The following PCSK5 variants were observed in gnomAD, a reference collection of about 807,000 sequenced individuals.
PCSK5 encodes prohormone convertase 5.
PCSK5 carries 129 observed loss-of-function variants against 233.2 expected under a neutral mutation model. That is an observed-to-expected ratio of 0.55 (90% CI 0.48 to 0.64). The LOEUF is 0.64. Ranked by LOEUF, PCSK5 falls within the 30% of genes least tolerant of loss-of-function variation. The pLI is 0.00. For synonymous variants in PCSK5, 825 were observed against 879.2 expected, an observed-to-expected ratio of 0.94 and a Z score of 1.09; for missense variants, 2,076 against 2,430.1, an observed-to-expected ratio of 0.85 and a Z score of 3.06.
chr9:75,942,923 C>T (rs1824385018), intron 2 of PCSK5, among the ~76,000 whole-genome samples: 1 of 126,706 alleles, frequency 7.9e-6, no homozygotes, highest in Non-Finnish European at 1.6e-5. Flanking sequence ...CTTGCTCTGT[C>T]ACCCACGCTG....
At chr9:76,041,996 A>G (rs1829141775) in intron 5 of PCSK5, among the ~76,000 whole-genome samples, 1 of 152,246 alleles carries the variant, frequency 6.6e-6, no homozygotes, top group Non-Finnish European at 1.5e-5. Flanking sequence ...GATGAATAGT[A>G]GATACTCAAT....
intron 13 of PCSK5, 30 bp downstream of exon 13, chr9:76,169,870 A>T: frequency 6.3e-7 from 1 of 1,593,356 alleles, no homozygotes; most frequent in Non-Finnish European, 8.6e-7. Flanking sequence ...ACATTGTTCT[A>T]CTGTGTAGAA....
intron 2 of PCSK5, among the ~76,000 whole-genome samples, chr9:75,970,166 C>T (rs1825756479): frequency 1.3e-5 from 2 of 152,298 alleles, no homozygotes; most frequent in South Asian, 4.1e-4. Context: ...AGCCACCATG[C>T]CCGGCCACAG....
chr9:76,340,588 T>C (rs989634650), intron 35 of PCSK5, among the ~76,000 whole-genome samples: 2 of 133,870 alleles, frequency 1.5e-5, no homozygotes, highest in Non-Finnish European at 3.0e-5. Flanking sequence ...GAGGTTGCAG[T>C]GAGCCGAGAT....
intron 37 of PCSK5, among the ~76,000 whole-genome samples, chr9:76,357,269 C>T (rs1369533699): frequency 6.6e-6 from 1 of 152,114 alleles, no homozygotes; most frequent in Non-Finnish European, 1.5e-5. Context: ...GGCTCATGCC[C>T]CAGAACTTTG....
intron 7 of PCSK5, among the ~76,000 whole-genome samples, chr9:76,079,161 G>A (rs929862897): frequency 2.6e-5 from 4 of 151,592 alleles, no homozygotes; most frequent in Admixed American, 6.6e-5. Flanking sequence ...GTGCAGTGGC[G>A]TGCGTGATCT....
intron 9 of PCSK5, among the ~76,000 whole-genome samples, chr9:76,118,045 A>G (rs915780614): frequency 2.0e-5 from 3 of 152,094 alleles, no homozygotes; most frequent in African/African-American, 7.2e-5. Flanking sequence ...TGCCATTGGA[A>G]TTGACATCTG....
intron 24 of PCSK5, among the ~76,000 whole-genome samples, chr9:76,285,188 C>T (rs936929917): frequency 6.6e-6 from 1 of 152,078 alleles, no homozygotes; most frequent in South Asian, 2.1e-4. Context: ...ATTGGCCAAC[C>T]TGAATCCTGG....
intron 24 of PCSK5, among the ~76,000 whole-genome samples, chr9:76,283,756 AC>A (rs1251320519): frequency 1.3e-5 from 2 of 152,270 alleles, no homozygotes; most frequent in Non-Finnish European, 2.9e-5. Flanking sequence ...AAATTTATGT[AC>A]TAAAGCTACA....
rs568556312 is a variant in PCSK5, at chr9:75,970,630, A to T, written c.298-15502A>T. The stretch of plus-strand genomic sequence containing the variant: ...TTTTTAAACTTTATTTTATTTATTT[A>T]TTTTTTTTGGAGATGGAGTCTCACT... On this transcript the variant is annotated intron_variant, in intron 2 of 37. Transcript: ENST00000674117. Among the ~76,000 whole-genome samples, 4 of 151,222 alleles carry T rather than the reference A, an allele frequency of 2.6e-5. No homozygotes were observed. The South Asian group carries it at 8.4e-4, about 32-fold the overall frequency.
intron 5 of PCSK5, among the ~76,000 whole-genome samples, chr9:76,046,277 AAG>A (rs1829388970): frequency 7.3e-6 from 1 of 137,434 alleles, no homozygotes; most frequent in African/African-American, 2.7e-5. Flanking sequence ...TCCCGGGTTC[AAG>A]CGATTCTCCT....
intron 20 of PCSK5, among the ~76,000 whole-genome samples, chr9:76,215,107 C>T (rs955844047): frequency 1.3e-5 from 2 of 152,188 alleles, no homozygotes; most frequent in African/African-American, 4.8e-5. Flanking sequence ...TGTTCAAGTT[C>T]CCCAAGCCCA....
chr9:76,233,264 G>T (rs887777200), intron 21 of PCSK5, among the ~76,000 whole-genome samples, 196 bp from the exon 22 acceptor site: 5 of 152,136 alleles, frequency 3.3e-5, no homozygotes, highest in African/African-American at 4.8e-5. Flanking sequence ...TGGCTGTTAG[G>T]TCCAAATCTT....
At chr9:76,189,387 T>C (rs967899484) in intron 19 of PCSK5, among the ~76,000 whole-genome samples, 164 bp downstream of exon 19, 1 of 152,258 alleles carries the variant, frequency 6.6e-6, no homozygotes, top group African/African-American at 2.4e-5. Flanking sequence ...ATCATTGATA[T>C]TTTTATTCCT....
rs148858121 is a variant in PCSK5 at position 76,314,178 on chromosome 9, CAG to C, written c.3884+3330_3884+3331del. ...GTTGACCGCTTAATGTATTTTACCT[CAG>C]AGTCTGGGTTGAACCATTTTCATGG... On this transcript the variant is annotated intron_variant, in intron 30 of 37. Coordinates refer to ENST00000674117, the MANE Select transcript of PCSK5 (RefSeq NM_001372043.1). Among the ~76,000 whole-genome samples, 662 of 152,318 alleles carry C rather than the reference CAG, an allele frequency of 4.3e-3. 8 individuals are homozygous for C. The highest frequency in any genetic ancestry group is 0.015 in the African/African-American group (624 of 41,570).
At chr9:75,960,363 AGT>A (rs1825295248) in intron 2 of PCSK5, among the ~76,000 whole-genome samples, 1 of 152,204 alleles carries the variant, frequency 6.6e-6, no homozygotes, top group African/African-American at 2.4e-5. Context: ...GCAGCTCAAT[AGT>A]GTAGACTTCT....
rs762220518 is a variant in PCSK5, at chr9:76,350,890, A to C, written c.5029A>C (p.Thr1677Pro). 1 of 1,608,788 alleles carries C rather than the reference A, an allele frequency of 6.2e-7. No individual in the cohort carries two copies. The highest frequency in any genetic ancestry group is 8.5e-7 in the Non-Finnish European group (1 of 1,176,782). ...TTACCACCTCATGGGAGGGATCTGC[A>C]CCTCGGACTGTCTTGTGGGGGAATA... Reference protein sequence around the residue: ...WSYHLMGGICTSDCLVGEYRV... With the variant: ...WSYHLMGGICPSDCLVGEYRV... Residue 1677 changes from threonine to proline, a missense_variant, in exon 36 of 38, where the codon ACC (threonine) becomes CCC (proline). By Grantham distance (38) the Thr-to-Pro change is conservative (BLOSUM62 -1). Coordinates refer to ENST00000674117, the MANE Select transcript of PCSK5 (RefSeq NM_001372043.1).
chr9:76,278,655 C>G (rs998243473), intron 24 of PCSK5, among the ~76,000 whole-genome samples: 1 of 151,950 alleles, frequency 6.6e-6, no homozygotes, highest in Non-Finnish European at 1.5e-5. Context: ...TTTTTGCCTT[C>G]TGATTTTCAA....
chr9:76,351,392 C>T (rs534896231), intron 36 of PCSK5, among the ~76,000 whole-genome samples: 1 of 147,004 alleles, frequency 6.8e-6, no homozygotes, highest in South Asian at 2.2e-4. Context: ...TGTTACAGCT[C>T]TTTAGAATTT....
Sources: allele counts gnomAD v4.1 joint callset (sites outside exome capture counted in the v4.1 genomes callset), GRCh38; gene constraint gnomAD v4.1.1; transcripts MANE v1.5; gene names NCBI Gene and HGNC (gene_info 2026-07-23, HGNC 2026-07-21).